Variants in TAFA2 observed in about 807,000 individuals in gnomAD.
TAFA2 encodes the protein chemokine-like protein TAFA-2.
Under a neutral mutation model 18.8 loss-of-function variants are expected in TAFA2, and 7 were observed. That is an observed-to-expected ratio of 0.37 (90% CI 0.21 to 0.70). TAFA2 has a LOEUF of 0.70. Among genes scored for constraint, TAFA2 ranks in the 30% least tolerant of loss-of-function variants. The probability of loss-of-function intolerance (pLI) is 0.53; values close to 1 mark genes in which losing one functional copy is unlikely to be tolerated. For synonymous variants in TAFA2, 60 were observed against 54.2 expected (o/e 1.11, Z -0.47); for missense variants, 122 against 158.1 (o/e 0.77, Z 1.23).
intron 1 of TAFA2, among the ~76,000 whole-genome samples, chr12:62,131,540 C>A (rs1870685079): frequency 6.6e-6 from 1 of 152,036 alleles, no homozygotes; most frequent in African/African-American, 2.4e-5. Flanking sequence ...AGATTGGCTT[C>A]CCAGGCCATT....
chr12:61,751,156 C>T (rs187192372), intron 4 of TAFA2, among the ~76,000 whole-genome samples: 304 of 152,168 alleles, frequency 2.0e-3, no homozygotes, highest in Non-Finnish European at 3.4e-3. Flanking sequence ...ATGCCTAGAG[C>T]TATTTTAAGA....
intron 1 of TAFA2, among the ~76,000 whole-genome samples, chr12:62,031,312 CT>C (rs1881451626): frequency 6.6e-6 from 1 of 152,042 alleles, no homozygotes; most frequent in Non-Finnish European, 1.5e-5. Context: ...AGAGACTGGC[CT>C]AGCCTCCCAG....
chr12:62,257,590 C>T (rs2062946950), intron 1 of TAFA2, among the ~76,000 whole-genome samples: 1 of 152,088 alleles, frequency 6.6e-6, no homozygotes, highest in Admixed American at 6.6e-5. Flanking sequence ...TTAAGAGGTC[C>T]AGCTTGTTCA....
At chr12:62,142,367 A>AGT (rs745499003) in intron 1 of TAFA2, among the ~76,000 whole-genome samples, 15 of 152,210 alleles carry the variant, frequency 9.9e-5, no homozygotes, top group Non-Finnish European at 1.8e-4. Flanking sequence ...TGACTAGGAC[A>AGT]GTGTGTGGCA....
chr12:61,873,260 T>G (rs920341625), intron 1 of TAFA2, among the ~76,000 whole-genome samples: 3 of 151,182 alleles, frequency 2.0e-5, no homozygotes, highest in Admixed American at 6.6e-5. Context: ...AAAGACTAGA[T>G]TACTCTTTTT....
intron 1 of TAFA2, among the ~76,000 whole-genome samples, chr12:62,045,450 C>T (rs11832494): frequency 0.13 from 19,340 of 152,096 alleles, 1,541 homozygotes; most frequent in African/African-American, 0.22. Context: ...ACACGATGCA[C>T]GTAGTGACCT....
At chr12:62,122,548 G>A (rs1484077575) in intron 1 of TAFA2, among the ~76,000 whole-genome samples, 1 of 152,106 alleles carries the variant, frequency 6.6e-6, no homozygotes, top group African/African-American at 2.4e-5. Context: ...TTATAAATGA[G>A]GGGGAAATAA....
At chr12:62,169,776 G>A (rs900600357) in intron 1 of TAFA2, among the ~76,000 whole-genome samples, 4 of 151,348 alleles carry the variant, frequency 2.6e-5, no homozygotes, top group Non-Finnish European at 4.4e-5. Context: ...GCATGAACCC[G>A]GGAGGCGGAG....
intron 1 of TAFA2, among the ~76,000 whole-genome samples, chr12:61,929,899 A>G (rs1877481051): frequency 6.6e-6 from 1 of 152,006 alleles, no homozygotes. Flanking sequence ...GCAAACTATC[A>G]CAAGGACAAA....
At chr12:61,806,941 C>G (rs1871639003) in intron 2 of TAFA2, among the ~76,000 whole-genome samples, 1 of 152,070 alleles carries the variant, frequency 6.6e-6, no homozygotes, top group Admixed American at 6.5e-5. Flanking sequence ...ATAAGGGAAG[C>G]AGAGCATAAA....
chr12:61,975,387 C>T (rs938427674), intron 1 of TAFA2, among the ~76,000 whole-genome samples: 6 of 151,592 alleles, frequency 4.0e-5, no homozygotes, highest in African/African-American at 7.3e-5. Flanking sequence ...TCCACATATA[C>T]GTGAAATCAT....
intron 1 of TAFA2, among the ~76,000 whole-genome samples, chr12:62,155,346 T>C (rs1274873279): frequency 1.3e-5 from 2 of 152,016 alleles, no homozygotes; most frequent in African/African-American, 4.8e-5. Context: ...ATGGGTAGTA[T>C]CAACACTGTG....
intron 1 of TAFA2, among the ~76,000 whole-genome samples, chr12:62,188,219 C>G (rs921337812): frequency 1.2e-4 from 18 of 152,120 alleles, no homozygotes; most frequent in Non-Finnish European, 4.4e-5. Context: ...GATTATTTTA[C>G]CCCAAGTTGT....
intron 4 of TAFA2, among the ~76,000 whole-genome samples, chr12:61,734,411 A>G (rs7954791): frequency 0.45 from 65,527 of 144,026 alleles, 15,056 homozygotes; most frequent in Admixed American, 0.53. Flanking sequence ...TATACCTAAT[A>G]CTAAATGACG....
At chr12:61,773,906 T>C (rs73324041) in intron 2 of TAFA2, among the ~76,000 whole-genome samples, 2,695 of 151,340 alleles carry the variant, frequency 0.018, 74 homozygotes, top group African/African-American at 0.061. Flanking sequence ...ATCTGCAGAG[T>C]TGACAGACAA....
intron 2 of TAFA2, among the ~76,000 whole-genome samples, chr12:61,755,746 T>C (rs577338335): frequency 2.4e-4 from 37 of 152,248 alleles, no homozygotes; most frequent in Admixed American, 7.2e-4. Flanking sequence ...ATATTCATTT[T>C]GTCAACCTTG....
intron 4 of TAFA2, among the ~76,000 whole-genome samples, chr12:61,748,942 T>C (rs942970435): frequency 3.9e-5 from 6 of 151,966 alleles, no homozygotes; most frequent in African/African-American, 1.2e-4. Flanking sequence ...TTCCAGTGTT[T>C]GTTGTCAATA....
chr12:62,175,443 T>A (rs899267016), intron 1 of TAFA2, among the ~76,000 whole-genome samples: 6 of 152,186 alleles, frequency 3.9e-5, no homozygotes, highest in Non-Finnish European at 7.4e-5. Flanking sequence ...TATTATAATA[T>A]ACTGTGTAAA....
chr12:61,723,067 G>A (rs1337263551), intron 4 of TAFA2, among the ~76,000 whole-genome samples: 2 of 152,088 alleles, frequency 1.3e-5, no homozygotes, highest in Non-Finnish European at 2.9e-5. Context: ...CCTAGGACTT[G>A]ATGTGCCCAT....
Sources: allele counts gnomAD v4.1 joint callset (sites outside exome capture counted in the v4.1 genomes callset), GRCh38; gene constraint gnomAD v4.1.1; transcripts MANE v1.5; gene names NCBI Gene and HGNC (gene_info 2026-07-23, HGNC 2026-07-21).